The following SKAP2 variants were observed in gnomAD, a reference collection of about 807,000 sequenced individuals.
SKAP2 encodes the protein src kinase-associated phosphoprotein 2.
In SKAP2, 28 loss-of-function variants were observed where a neutral mutation model predicts 54.9. The observed-to-expected ratio is 0.51, with a 90% CI of 0.38 to 0.70. SKAP2 has a LOEUF of 0.70. Ranked by LOEUF, SKAP2 falls within the 30% of genes least tolerant of loss-of-function variation. The pLI, the probability that SKAP2 is intolerant of heterozygous loss-of-function variation, is 0.00. For synonymous variants in SKAP2, 137 were observed against 134.3 expected (o/e 1.02, Z -0.14); for missense variants, 356 against 424.1 (o/e 0.84, Z 1.41).
chr7:26,741,303 G>T (rs900953546), intron 4 of SKAP2, among the ~76,000 whole-genome samples: 1 of 151,956 alleles, frequency 6.6e-6, no homozygotes, highest in African/African-American at 2.4e-5. Flanking sequence ...GGTCGCTTGA[G>T]CCCAGGAGTT....
At chr7:26,781,921 C>G (rs908815794) in intron 4 of SKAP2, among the ~76,000 whole-genome samples, 1 of 152,194 alleles carries the variant, frequency 6.6e-6, no homozygotes, top group Non-Finnish European at 1.5e-5. Flanking sequence ...TTCAAGGAAG[C>G]CTTCCCTGAC....
intron 9 of SKAP2, among the ~76,000 whole-genome samples, chr7:26,719,461 AATTG>A (rs1787531449): frequency 6.6e-6 from 1 of 152,142 alleles, no homozygotes; most frequent in East Asian, 1.9e-4. Context: ...ACAGCCCTGG[AATTG>A]CTCAGCCTTG....
rs1785122964 is a variant in SKAP2, at chr7:26,854,695, T to G, written c.173+90A>C. 5.4e-6 allele frequency: 7 copies of G among 1,305,398 alleles called. No individual in the cohort carries two copies. The African/African-American group carries it at 6.0e-5, about 11-fold the overall frequency. The allele number at this position is 1,305,398 out of a possible 1,614,324, so 80.9% of individuals were successfully genotyped here. On this transcript the variant is annotated intron_variant, in intron 2 of 12. Transcript: ENST00000345317. ...CAGTTAAACTGGAACATGAAAAATT[T>G]AACTCCATAATAATCGATTTCTTAT...
chr7:26,726,675 TC>T, intron 7 of SKAP2: 1 of 403,748 alleles, frequency 2.5e-6, no homozygotes, highest in South Asian at 4.5e-5. Flanking sequence ...ATTCTCTTTA[TC>T]TTTTTCAAGA....
intron 4 of SKAP2, among the ~76,000 whole-genome samples, chr7:26,756,390 A>G (rs1782792756): frequency 6.6e-6 from 1 of 152,074 alleles, no homozygotes; most frequent in African/African-American, 2.4e-5. Flanking sequence ...AAGTGTTCTC[A>G]TTGTTCAATT....
intron 11 of SKAP2, among the ~76,000 whole-genome samples, chr7:26,677,214 A>G (rs1367125551): frequency 6.6e-6 from 1 of 152,032 alleles, no homozygotes; most frequent in East Asian, 1.9e-4. Flanking sequence ...AACATGGTGA[A>G]ACCCTATGTC....
chr7:26,811,356 C>CT (rs1277714529), intron 4 of SKAP2, among the ~76,000 whole-genome samples: 15 of 152,162 alleles, frequency 9.9e-5, no homozygotes, highest in African/African-American at 3.4e-4. Context: ...ACCTTAAAGG[C>CT]TTCAGGAAGC....
chr7:26,778,070 C>T (rs1783350706), intron 4 of SKAP2, among the ~76,000 whole-genome samples: 2 of 151,946 alleles, frequency 1.3e-5, no homozygotes, highest in Non-Finnish European at 2.9e-5. Context: ...AAATTGATTC[C>T]TAACCACTGA....
chr7:26,664,775 C>G (rs963831301), downstream of SKAP2, among the ~76,000 whole-genome samples: 6 of 149,598 alleles, frequency 4.0e-5, no homozygotes, highest in Admixed American at 2.0e-4. Flanking sequence ...AAACACCTTC[C>G]AAAGTTCCAG....
intron 4 of SKAP2, among the ~76,000 whole-genome samples, chr7:26,797,263 G>C (rs1584395197): frequency 6.6e-6 from 1 of 152,360 alleles, no homozygotes; most frequent in East Asian, 1.9e-4. Flanking sequence ...ACCCAGTGCT[G>C]TGCTGGCTTC....
chr7:26,709,344 A>C (rs1403912779), intron 9 of SKAP2, among the ~76,000 whole-genome samples: 7 of 152,144 alleles, frequency 4.6e-5, no homozygotes, highest in Non-Finnish European at 7.4e-5. Context: ...TGAGAAAAGG[A>C]ACTAGCTTAA....
intron 4 of SKAP2, among the ~76,000 whole-genome samples, chr7:26,802,747 A>G (rs766360840): frequency 2.0e-5 from 3 of 151,898 alleles, no homozygotes. Flanking sequence ...CAGACATGGT[A>G]GCACGTGCCT....
intron 9 of SKAP2, among the ~76,000 whole-genome samples, chr7:26,703,591 T>G (rs538910055): frequency 2.6e-5 from 4 of 152,258 alleles, no homozygotes; most frequent in African/African-American, 9.6e-5. Flanking sequence ...CTTAGACAAG[T>G]TAATTAAACT....
chr7:26,825,233 T>A (rs186754955), intron 4 of SKAP2, among the ~76,000 whole-genome samples: 7 of 152,316 alleles, frequency 4.6e-5, no homozygotes, highest in Admixed American at 2.0e-4. Flanking sequence ...ATACAGATAT[T>A]AATACTAGCC....
At chr7:26,837,127 T>C (rs1037708129) in intron 4 of SKAP2, among the ~76,000 whole-genome samples, 1 of 151,334 alleles carries the variant, frequency 6.6e-6, no homozygotes, top group Non-Finnish European at 1.5e-5. Context: ...TAAGTGGGAG[T>C]TGAACAATGA....
chr7:26,725,387 C>CAG (rs760250035), intron 9 of SKAP2, 41 bp downstream of exon 9: 2 of 1,482,798 alleles, frequency 1.3e-6, no homozygotes. Context: ...CACACACACA[C>CAG]AGCCCTAAAA....
chr7:26,764,376 C>T (rs1040339583), intron 4 of SKAP2, among the ~76,000 whole-genome samples: 41 of 152,146 alleles, frequency 2.7e-4, no homozygotes, highest in African/African-American at 9.2e-4. Flanking sequence ...CCTGTTGAAC[C>T]GTAAACTTCG....
At chr7:26,761,067 C>T (rs1427009361) in intron 4 of SKAP2, among the ~76,000 whole-genome samples, 1 of 151,960 alleles carries the variant, frequency 6.6e-6, no homozygotes, top group Non-Finnish European at 1.5e-5. Context: ...GAATGAAATG[C>T]GCGAAAGTGG....
At chr7:26,656,316 G>C in the SKAP2 span, among the ~76,000 whole-genome samples, 1 of 152,034 alleles carries the variant, frequency 6.6e-6, no homozygotes, top group Non-Finnish European at 1.5e-5. Flanking sequence ...GCATCCCTAT[G>C]CATTTTTCTA....
Sources: gnomAD v4.1 joint callset for allele counts (sites outside exome capture counted in the v4.1 genomes callset) on GRCh38, gnomAD v4.1.1 for gene constraint, MANE v1.5 for transcripts, NCBI Gene and HGNC (gene_info 2026-07-23, HGNC 2026-07-21) for gene names.